The following FNBP4 variants were observed in gnomAD, a reference collection of about 807,000 sequenced individuals.
FNBP4 encodes the protein formin binding protein 4.
A neutral mutation model predicts 119.3 loss-of-function variants in FNBP4; 34 were observed. The observed-to-expected ratio is 0.28, with a 90% CI of 0.22 to 0.38. The LOEUF is 0.38. Among genes scored for constraint, FNBP4 ranks in the 10% least tolerant of loss-of-function variants. FNBP4 has a pLI of 1.00. For synonymous variants in FNBP4, 462 were observed against 430.6 expected (o/e 1.07, Z -0.90); for missense variants, 1,112 against 1,228.9 (o/e 0.90, Z 1.42).
chr11:47,731,906 C>T (rs1258263212), intron 11 of FNBP4: 3 of 1,015,486 alleles, frequency 3.0e-6, no homozygotes, highest in African/African-American at 3.4e-5. Flanking sequence ...CACTAATTTC[C>T]CTTCCAAAGA....
rs761636132 is a variant in FNBP4 at position 47,724,140 on chromosome 11, A to C, written c.2352T>G (p.Ser784=). ...SSVDSTISSS[S]STKGIKRKAT... ...CTTTCCTCTTTATTCCTTTAGTGGA[A>C]GAAGAACTAGAGATGGTGGAATCAA... is the stretch of plus-strand genomic sequence containing the variant. Residue 784 remains serine (S), a synonymous_variant, in exon 14 of 17, where the codon TCT becomes TCG. Transcript: ENST00000263773. 8 of 1,614,038 alleles carry C rather than the reference A, an allele frequency of 5.0e-6. No homozygotes were observed. The highest frequency in any genetic ancestry group is 6.8e-6 in the Non-Finnish European group (8 of 1,179,890).
chr11:47,765,027 T>C (rs150982310), intron 2 of FNBP4, among the ~76,000 whole-genome samples: 1 of 151,914 alleles, frequency 6.6e-6, no homozygotes, highest in Non-Finnish European at 1.5e-5. Flanking sequence ...AGTTATAAAA[T>C]AGCATCAGGA....
intron 8 of FNBP4, among the ~76,000 whole-genome samples, chr11:47,737,704 T>C (rs1224550663): frequency 6.6e-6 from 1 of 151,758 alleles, no homozygotes; most frequent in Non-Finnish European, 1.5e-5. Flanking sequence ...CCTCCCAATG[T>C]GCTGGGATTA....
At chr11:47,737,348 T>G (rs1434281655) in intron 8 of FNBP4, among the ~76,000 whole-genome samples, 1 of 152,222 alleles carries the variant, frequency 6.6e-6, no homozygotes, top group African/African-American at 2.4e-5. Flanking sequence ...ATACCACTGC[T>G]TCAATTACTT....
At chr11:47,733,878 T>C in intron 10 of FNBP4, 147 bp downstream of exon 10, 1 of 506,066 alleles carries the variant, frequency 2.0e-6, no homozygotes. Context: ...CACAGTTTTA[T>C]TTCCTGGATT....
At chr11:47,737,061 C>T (rs1388437474) in intron 8 of FNBP4, among the ~76,000 whole-genome samples, 3 of 152,034 alleles carry the variant, frequency 2.0e-5, no homozygotes, top group South Asian at 4.1e-4. Context: ...AAATTAGCCA[C>T]GCATGGTGGC....
chr11:47,760,130 T>G (rs912842028), intron 2 of FNBP4, among the ~76,000 whole-genome samples: 1 of 152,158 alleles, frequency 6.6e-6, no homozygotes, highest in Non-Finnish European at 1.5e-5. Flanking sequence ...TTTCTTCACC[T>G]AAGAGCTTTT....
intron 2 of FNBP4, among the ~76,000 whole-genome samples, chr11:47,755,800 A>AAC (rs544924482): frequency 8.9e-4 from 136 of 152,186 alleles, no homozygotes; most frequent in African/African-American, 3.2e-3. Flanking sequence ...GTCTCCAAAA[A>AAC]AAAAACAAAA....
intron 2 of FNBP4, among the ~76,000 whole-genome samples, chr11:47,758,676 A>G (rs780827244): frequency 1.4e-4 from 21 of 151,850 alleles, no homozygotes; most frequent in Non-Finnish European, 2.9e-4. Context: ...CCTGGCCAAC[A>G]TGGTGAAATC....
At chr11:47,730,813 A>G (rs914260872) in intron 12 of FNBP4, among the ~76,000 whole-genome samples, 12 of 152,246 alleles carry the variant, frequency 7.9e-5, no homozygotes, top group African/African-American at 2.9e-4. Context: ...AAATGGAATG[A>G]GACATCCTAT....
In FNBP4 at chr11:47,732,456, T is replaced by C; in HGVS notation, c.1820+81A>G. 1 of 1,591,814 alleles carries C rather than the reference T, an allele frequency of 6.3e-7. No individual in the cohort carries two copies. Among genetic ancestry groups the C allele is most frequent in the East Asian group, 2.2e-5 (1 of 44,554 alleles). ...CTGCTCTCAGTCTCCAGACAGGCTG[T>C]CATGTCGTCAGATGGTGGTGATCAC... On this transcript the variant is annotated intron_variant, in intron 11 of 16. Coordinates refer to ENST00000263773, the MANE Select transcript of FNBP4 (RefSeq NM_015308.5). The surrounding 1 kb of genome is among the most constrained non-coding windows in gnomAD (Gnocchi z 4.2).
chr11:47,740,435 G>A (rs1214054041), intron 8 of FNBP4, among the ~76,000 whole-genome samples: 1 of 150,510 alleles, frequency 6.6e-6, no homozygotes, highest in Non-Finnish European at 1.5e-5. Context: ...ATATAACATG[G>A]CTTATTAAAA....
intron 6 of FNBP4, 115 bp from the exon 7 acceptor site, chr11:47,746,509 G>A: frequency 2.1e-6 from 2 of 948,700 alleles, no homozygotes; most frequent in Non-Finnish European, 3.0e-6. Flanking sequence ...AATACTCAAG[G>A]TAAAAACGAC....
intron 6 of FNBP4, 102 bp from the exon 7 acceptor site, chr11:47,746,496 C>T: frequency 1.9e-6 from 2 of 1,073,108 alleles, no homozygotes; most frequent in Non-Finnish European, 1.3e-6. Flanking sequence ...TTTTCAGTAG[C>T]TGAATACTCA....
In FNBP4 at chr11:47,749,096, AAAAC is replaced by A. The variant is rs10688485; in HGVS notation, c.906+1816_906+1819del. Among the ~76,000 whole-genome samples the A allele has an allele frequency of 8.8e-3, 1,311 of 149,392 alleles. 7 individuals carry two copies. The highest frequency in any genetic ancestry group is 0.031 in the Middle Eastern group (9 of 292). On this transcript the variant is annotated intron_variant, in intron 6 of 16. Coordinates refer to ENST00000263773, the MANE Select transcript of FNBP4 (RefSeq NM_015308.5). Reference sequence around the variant, plus strand: ...AACATGGTGAGACCACGTCTCTCAAAAAACAAACAAACAAACAAACAAACAAACA... The same window carrying A: ...AACATGGTGAGACCACGTCTCTCAAAAAACAAACAAACAAACAAACAAACA...
At chr11:47,723,433 T>TA in intron 14 of FNBP4, 117 bp from the exon 15 acceptor site, 8 of 1,456,208 alleles carry the variant, frequency 5.5e-6, no homozygotes, top group Non-Finnish European at 7.3e-6. Flanking sequence ...TATCCTTTTC[T>TA]AAAAAGCATA....
chr11:47,738,691 A>AC (rs891591067), intron 8 of FNBP4, among the ~76,000 whole-genome samples: 3 of 151,730 alleles, frequency 2.0e-5, no homozygotes, highest in African/African-American at 7.3e-5. Flanking sequence ...AATATTTTAA[A>AC]CTTTTTTTTT....
chr11:47,750,381 CAAAAAAA>C (rs59583797), intron 6 of FNBP4, among the ~76,000 whole-genome samples: 3 of 24,752 alleles, frequency 1.2e-4, no homozygotes, highest in African/African-American at 5.7e-4. Flanking sequence ...GACTCCATAT[CAAAAAAA>C]AAAAAAAAAA....
intron 10 of FNBP4, 21 bp downstream of exon 10, chr11:47,734,000 CAAAA>C (rs79199646): frequency 3.1e-3 from 2,777 of 886,324 alleles, no homozygotes; most frequent in South Asian, 7.9e-3. Flanking sequence ...CTGTTTATGC[CAAAA>C]AAAAAAAAAA....
Sources: gnomAD v4.1 joint callset for allele counts (sites outside exome capture counted in the v4.1 genomes callset) on GRCh38, gnomAD v4.1.1 for gene constraint, Gnocchi (gnomAD v3.1) non-coding constraint, MANE v1.5 for transcripts, NCBI Gene and HGNC (gene_info 2026-07-23, HGNC 2026-07-21) for gene names.